SIMC1: variants seen among roughly 807,000 people sequenced by gnomAD.
SIMC1 encodes SUMO-interacting motif-containing protein 1.
A neutral mutation model predicts 82.3 loss-of-function variants in SIMC1; 55 were observed. The ratio of observed to expected loss-of-function variants is 0.67; its 90% confidence interval spans 0.54 to 0.84. SIMC1 has a LOEUF of 0.84. SIMC1 is among the 40% of genes least tolerant of loss of function. The probability of loss-of-function intolerance (pLI) is 0.00; values close to 1 mark genes in which losing one functional copy is unlikely to be tolerated. For synonymous variants in SIMC1, 353 were observed against 426.3 expected, an observed-to-expected ratio of 0.83 and a Z score of 2.12; for missense variants, 915 against 1,107.2, an observed-to-expected ratio of 0.83 and a Z score of 2.46.
intron 4 of SIMC1, among the ~76,000 whole-genome samples, chr5:176,304,569 T>C (rs1393962910): frequency 2.2e-4 from 33 of 149,180 alleles, no homozygotes; most frequent in Non-Finnish European, 3.9e-4. Context: ...TGCCTTGGCC[T>C]CCCAAAGTGC....
chr5:176,265,128 C>CCAA (rs1205884814), intron 1 of SIMC1, among the ~76,000 whole-genome samples: 5 of 152,172 alleles, frequency 3.3e-5, no homozygotes, highest in South Asian at 2.1e-4. Context: ...ATACCCACCC[C>CCAA]CAACAACAAC....
chr5:176,262,014 TAAGAG>T (rs1762031423), intron 1 of SIMC1, among the ~76,000 whole-genome samples: 1 of 151,640 alleles, frequency 6.6e-6, no homozygotes, highest in Non-Finnish European at 1.5e-5. Context: ...AGACAAATTA[TAAGAG>T]AAAACTACAG....
chr5:176,294,964 C>CAAAAAAAAAAAAAAAA (rs70991529), intron 2 of SIMC1, 66 bp from the exon 3 acceptor site: 1 of 1,025,402 alleles, frequency 9.8e-7, no homozygotes. Flanking sequence ...GACTCCGTCT[C>CAAAAAAAAAAAAAAAA]AAAAAAAAAA....
chr5:176,255,453 C>T (rs1761819382), intron 1 of SIMC1, among the ~76,000 whole-genome samples: 1 of 151,448 alleles, frequency 6.6e-6, no homozygotes, highest in Admixed American at 6.6e-5. Context: ...TGTAGTGGCG[C>T]ACATTCGTAA....
chr5:176,324,926 A>AT (rs1182505046), intron 7 of SIMC1, among the ~76,000 whole-genome samples, 169 bp downstream of exon 7: 1 of 152,204 alleles, frequency 6.6e-6, no homozygotes, highest in Non-Finnish European at 1.5e-5. Context: ...TAGTAGAAGG[A>AT]TTATTCTTAT....
At position 176,281,999 on chromosome 5, in the gene SIMC1, C is replaced by T. The variant is rs537050109; in HGVS notation, c.130-7655C>T. Among the ~76,000 whole-genome samples the T allele has an allele frequency of 3.7e-3, 562 of 152,338 alleles. 3 individuals carry two copies. The highest frequency in any genetic ancestry group is 0.013 in the African/African-American group (534 of 41,586). On this transcript the variant is annotated intron_variant, in intron 1 of 9. Coordinates refer to ENST00000429602, the MANE Select transcript of SIMC1 (RefSeq NM_001308195.2). The stretch of plus-strand genomic sequence containing the variant: ...ACATTTAAGTCTGCAGAGGTTACTG[C>T]TGTCTTTTTGTTTGTCTGTGCCCTG...
At chr5:176,291,578 C>T (rs1236030534) in intron 2 of SIMC1, among the ~76,000 whole-genome samples, 5 of 152,072 alleles carry the variant, frequency 3.3e-5, no homozygotes, top group Non-Finnish European at 5.9e-5. Context: ...CCTCGTGATC[C>T]ACCCGCCTCG....
intron 1 of SIMC1, among the ~76,000 whole-genome samples, chr5:176,243,147 G>A (rs942296794): frequency 6.6e-6 from 1 of 152,092 alleles, no homozygotes; most frequent in African/African-American, 2.4e-5. Context: ...ACAAATAAGA[G>A]AACAGTATAA....
At chr5:176,258,186 T>C (rs1260961915) in intron 1 of SIMC1, among the ~76,000 whole-genome samples, 1 of 152,334 alleles carries the variant, frequency 6.6e-6, no homozygotes, top group South Asian at 2.1e-4. Flanking sequence ...TATGTAGGGT[T>C]AAACATATCA....
At chr5:176,306,793 C>A (rs1764435346) in intron 4 of SIMC1, among the ~76,000 whole-genome samples, 2 of 151,452 alleles carry the variant, frequency 1.3e-5, no homozygotes, top group African/African-American at 4.8e-5. Flanking sequence ...GCAGGGTCCT[C>A]TGCCTAGGAA....
At position 176,308,743 on chromosome 5, in the gene SIMC1, C is replaced by T. The variant is rs561916391; in HGVS notation, c.1735-4948C>T. 1,293 of 1,418,580 alleles carry T rather than the reference C, an allele frequency of 9.1e-4. 1 individual carries two copies. The highest frequency in any genetic ancestry group is 1.1e-3 in the Non-Finnish European group (1,126 of 1,002,132). 87.9% of individuals were successfully genotyped at this position (1,418,580 alleles called of 1,614,324 possible). A position where few individuals can be genotyped will look rare whatever the true frequency, so the allele number is the denominator to read the frequency against. On this transcript the variant is annotated intron_variant, in intron 4 of 9. Transcript: ENST00000429602. ...GTACCTCATGTCACTATCGGGAAAG[C>T]GTGCCTTGAATCAGCAGTAGAGCTG... is the stretch of plus-strand genomic sequence containing the variant.
chr5:176,341,107 A>C (rs1203132822), intron 9 of SIMC1, among the ~76,000 whole-genome samples: 1 of 152,244 alleles, frequency 6.6e-6, no homozygotes, highest in Admixed American at 6.5e-5. Context: ...AGATCGTGCC[A>C]CTGCACTCCA....
intron 5 of SIMC1, among the ~76,000 whole-genome samples, chr5:176,317,449 A>G (rs2113356085): frequency 6.6e-6 from 1 of 152,184 alleles, no homozygotes; most frequent in South Asian, 2.1e-4. Context: ...ATATGGCAAA[A>G]TATACCCCCA....
chr5:176,338,736 A>G (rs899843906), intron 9 of SIMC1, among the ~76,000 whole-genome samples: 2 of 152,054 alleles, frequency 1.3e-5, no homozygotes, highest in Non-Finnish European at 2.9e-5. Flanking sequence ...CACTTGGGAA[A>G]GTAAGATAGC....
chr5:176,249,357 C>T (rs1470212047), intron 1 of SIMC1, among the ~76,000 whole-genome samples: 1 of 152,028 alleles, frequency 6.6e-6, no homozygotes, highest in Non-Finnish European at 1.5e-5. Context: ...AGGACATTGT[C>T]CATTTCTTCT....
intron 9 of SIMC1, among the ~76,000 whole-genome samples, chr5:176,339,632 C>T (rs921782509): frequency 6.6e-6 from 1 of 152,064 alleles, no homozygotes; most frequent in Non-Finnish European, 1.5e-5. Flanking sequence ...CTATCATGGG[C>T]AATAATGACT....
At chr5:176,310,876 AAAAT>A (rs1764635983) in intron 4 of SIMC1, among the ~76,000 whole-genome samples, 3 of 152,234 alleles carry the variant, frequency 2.0e-5, no homozygotes, top group Non-Finnish European at 4.4e-5. Context: ...TAGATAGCAA[AAAAT>A]AAAAATAAAA....
chr5:176,270,775 T>G lies in SIMC1; in HGVS notation c.130-18879T>G, dbSNP rs184290432. On this transcript the variant is annotated intron_variant, in intron 1 of 9. Coordinates refer to ENST00000429602, the MANE Select transcript of SIMC1 (RefSeq NM_001308195.2). ...TTGGCCAGTGCCCACAGCAGAAGCA[T>G]TTAGAACAGACATAGCCAGAGGCAA... Among the ~76,000 whole-genome samples the G allele has an allele frequency of 4.6e-5, 7 of 152,258 alleles. 1 individual carries two copies. The highest frequency in any genetic ancestry group is 1.7e-4 in the African/African-American group (7 of 41,568).
chr5:176,309,791 A>G (rs1764585291), intron 4 of SIMC1, among the ~76,000 whole-genome samples: 1 of 152,258 alleles, frequency 6.6e-6, no homozygotes, highest in East Asian at 1.9e-4. Flanking sequence ...TTTTTAAAAA[A>G]TTAGCTGGGC....
Sources: gnomAD v4.1 joint callset for allele counts (sites outside exome capture counted in the v4.1 genomes callset) on GRCh38, gnomAD v4.1.1 for gene constraint, MANE v1.5 for transcripts, NCBI Gene and HGNC (gene_info 2026-07-23, HGNC 2026-07-21) for gene names.